The following DIAPH3 variants were observed in gnomAD, a reference collection of about 807,000 sequenced individuals.
The protein encoded by DIAPH3 is diaphanous related formin 3.
Under a neutral mutation model 144.3 loss-of-function variants are expected in DIAPH3, and 117 were observed. That is an observed-to-expected ratio of 0.81 (90% CI 0.70 to 0.95). DIAPH3 has a LOEUF of 0.95. Among genes scored for constraint, DIAPH3 ranks in the 40% least tolerant of loss-of-function variants. DIAPH3 has a pLI of 0.00. For synonymous variants in DIAPH3, 519 were observed against 488.9 expected (o/e 1.06, Z -0.81); for missense variants, 1,421 against 1,412.7 (o/e 1.01, Z -0.09).
At chr13:60,071,602 C>A (rs2818956) in intron 4 of DIAPH3, among the ~76,000 whole-genome samples, 136,513 of 152,120 alleles carry the variant, frequency 0.9, 61,504 homozygotes, top group Non-Finnish European at 0.92. Flanking sequence ...ATGCTTCTTC[C>A]AAACCTATGA....
intron 17 of DIAPH3, among the ~76,000 whole-genome samples, chr13:59,962,270 T>C (rs2049808471): frequency 6.6e-6 from 1 of 152,200 alleles, no homozygotes; most frequent in African/African-American, 2.4e-5. Flanking sequence ...CAAAATAGTA[T>C]TTTTAAATGC....
Position 59,751,151 on chromosome 13 carries a change from G to A in DIAPH3, c.3319+23038C>T, listed in dbSNP as rs144424118. Among the ~76,000 whole-genome samples, 213 of 152,374 alleles carry A rather than the reference G, an allele frequency of 1.4e-3. 1 individual carries two copies. The highest frequency in any genetic ancestry group is 0.014 in the Middle Eastern group (4 of 294). Reference sequence around the variant, plus strand: ...CAACAAATGGCTACAATTAGCATTCGCCCTGCTCCTGCAAAAGAATTTCAT... The same window carrying A: ...CAACAAATGGCTACAATTAGCATTCACCCTGCTCCTGCAAAAGAATTTCAT... On this transcript the variant is annotated intron_variant, in intron 27 of 27. Transcript: ENST00000400324.
intron 17 of DIAPH3, among the ~76,000 whole-genome samples, chr13:59,954,390 G>A (rs527942344): frequency 2.6e-5 from 4 of 152,014 alleles, no homozygotes; most frequent in Non-Finnish European, 4.4e-5. Flanking sequence ...AGCTGCTCTG[G>A]CCTTATAACC....
chr13:59,960,529 C>A (rs1373137334), intron 17 of DIAPH3, among the ~76,000 whole-genome samples: 2 of 152,138 alleles, frequency 1.3e-5, no homozygotes, highest in South Asian at 2.1e-4. Flanking sequence ...TTTAGCCATA[C>A]GCTTTATCTG....
At chr13:60,099,664 G>T (rs1205306409) in intron 3 of DIAPH3, among the ~76,000 whole-genome samples, 1 of 152,084 alleles carries the variant, frequency 6.6e-6, no homozygotes, top group Non-Finnish European at 1.5e-5. Flanking sequence ...GACCACTCTC[G>T]GCTTGCCAGG....
intron 17 of DIAPH3, among the ~76,000 whole-genome samples, chr13:59,953,231 A>C (rs540091661): frequency 1.3e-5 from 2 of 152,270 alleles, no homozygotes; most frequent in South Asian, 4.1e-4. Flanking sequence ...CCATGGCAGG[A>C]GTATACCTGG....
chr13:60,103,943 T>C lies in DIAPH3; in HGVS notation c.390+8067A>G, dbSNP rs904398744. ...CTTTTCATTACACTAAGGTTTTTAC[T>C]ACCATGAATGGCTTAGTGCCAAATA... On this transcript the variant is annotated intron_variant, in intron 3 of 27. Coordinates refer to ENST00000400324, the MANE Select transcript of DIAPH3 (RefSeq NM_001042517.2). Among the ~76,000 whole-genome samples the C allele has an allele frequency of 2.0e-5, 3 of 152,180 alleles. 1 individual carries two copies. Among genetic ancestry groups the C allele is most frequent in the South Asian group, 4.1e-4 (2 of 4,822 alleles).
intron 25 of DIAPH3, among the ~76,000 whole-genome samples, chr13:59,809,389 C>T (rs566661703): frequency 2.0e-5 from 3 of 151,808 alleles, no homozygotes; most frequent in African/African-American, 7.2e-5. Flanking sequence ...TAATCCCAGC[C>T]ACTCGGGAGG....
chr13:59,725,602 C>T (rs1286362237), intron 27 of DIAPH3, among the ~76,000 whole-genome samples: 3 of 152,158 alleles, frequency 2.0e-5, no homozygotes, highest in Non-Finnish European at 2.9e-5. Flanking sequence ...TGACATCATC[C>T]AATACTTGAT....
intron 27 of DIAPH3, among the ~76,000 whole-genome samples, chr13:59,701,895 A>C (rs960010843): frequency 6.6e-6 from 1 of 152,206 alleles, no homozygotes. Flanking sequence ...TTCCTACTAG[A>C]AAGTTTAGCG....
intron 2 of DIAPH3, among the ~76,000 whole-genome samples, chr13:60,125,453 C>T (rs1414111294): frequency 1.5e-5 from 2 of 136,872 alleles, no homozygotes; most frequent in African/African-American, 5.6e-5. Context: ...CTTGCCCAGG[C>T]TAATCTCGAA....
intron 27 of DIAPH3, among the ~76,000 whole-genome samples, chr13:59,673,438 T>C (rs1566169467): frequency 6.6e-6 from 1 of 152,178 alleles, no homozygotes; most frequent in African/African-American, 2.4e-5. Flanking sequence ...CATCTGGTCT[T>C]TGTCCCAGTC....
Position 60,081,583 on chromosome 13 carries a change from ATAAC to A in DIAPH3, c.495+12041_495+12044del, listed in dbSNP as rs551345545. 1.2e-4 allele frequency among the ~76,000 whole-genome samples: 19 copies of A among 152,162 alleles called. No individual in the cohort carries two copies. In the South Asian group the frequency reaches 3.9e-3, roughly 32 times the overall value. On this transcript the variant is annotated intron_variant, in intron 4 of 27. Transcript: ENST00000400324. The stretch of plus-strand genomic sequence containing the variant: ...CTGATCTCCCACAAAAAAAGACAAA[ATAAC>A]TAAGTAGCAAAATCAAACACCCAAC...
At chr13:59,967,733 G>A (rs1012328827) in intron 17 of DIAPH3, among the ~76,000 whole-genome samples, 1 of 152,046 alleles carries the variant, frequency 6.6e-6, no homozygotes, top group African/African-American at 2.4e-5. Context: ...AGCACTCTTA[G>A]GACTCCTCAA....
chr13:59,839,319 G>C lies in DIAPH3; in HGVS notation c.2862+5C>G. The C allele has an allele frequency of 6.2e-7, 1 of 1,613,018 alleles. No homozygotes were observed. Among genetic ancestry groups the C allele is most frequent in the Non-Finnish European group, 8.5e-7 (1 of 1,179,438 alleles). ...ACTTAAGTTATTTAGCTATCAAAAG[G>C]ATATGGACATCTTTGTCACAAACTT... On this transcript the variant is annotated splice_donor_5th_base_variant and intron_variant, in intron 23 of 27. Transcript: ENST00000400324.
At chr13:59,768,044 T>C (rs2037942877) in intron 27 of DIAPH3, among the ~76,000 whole-genome samples, 1 of 152,190 alleles carries the variant, frequency 6.6e-6, no homozygotes, top group Non-Finnish European at 1.5e-5. Context: ...TTTGCTTGAC[T>C]ACATGGTAAA....
At chr13:59,797,072 C>G (rs1028441772) in intron 25 of DIAPH3, among the ~76,000 whole-genome samples, 1 of 152,198 alleles carries the variant, frequency 6.6e-6, no homozygotes, top group East Asian at 1.9e-4. Context: ...TTTCATGACA[C>G]CACTATTAAC....
At chr13:59,891,917 T>G (rs2045823132) in intron 20 of DIAPH3, among the ~76,000 whole-genome samples, 1 of 151,990 alleles carries the variant, frequency 6.6e-6, no homozygotes, top group Non-Finnish European at 1.5e-5. Flanking sequence ...AAAATGAGAC[T>G]TAACTTTACT....
At chr13:59,908,861 A>G (rs1019685511) in intron 20 of DIAPH3, among the ~76,000 whole-genome samples, 1 of 152,202 alleles carries the variant, frequency 6.6e-6, no homozygotes. Context: ...TTCTACAGTG[A>G]AAAACAAATG....
Sources: gnomAD v4.1 joint callset for allele counts (sites outside exome capture counted in the v4.1 genomes callset) on GRCh38, gnomAD v4.1.1 for gene constraint, MANE v1.5 for transcripts, NCBI Gene and HGNC (gene_info 2026-07-23, HGNC 2026-07-21) for gene names.